TFE3: variants seen among roughly 807,000 people sequenced by gnomAD.
TFE3 encodes the protein transcription factor binding to IGHM enhancer 3.
In TFE3, 5 loss-of-function variants were observed where a neutral mutation model predicts 35.0. The observed-to-expected ratio is 0.14, with a 90% confidence interval of 0.07 to 0.30. The LOEUF (loss-of-function observed/expected upper bound fraction) is 0.30, where lower values mean the gene tolerates loss of function less well. Among genes scored for constraint, TFE3 ranks in the 10% least tolerant of loss-of-function variants. The pLI is 1.00. For synonymous variants in TFE3, 211 were observed against 215.6 expected (o/e 0.98, Z 0.18); for missense variants, 374 against 496.6 (o/e 0.75, Z 2.35).
rs1557075083 is a variant in TFE3, at chrX:49,038,231, G to A, written c.746C>T (p.Ala249Val). ...TGAGCTGGACCCGATGGTGAGCAGC[G>A]CCATGGGGCTGTTGGGCGCACTGCC... ...PTGSAPNSPM[A>V]LLTIGSSSEK... Residue 249 changes from alanine (A) to valine (V), a missense_variant, in exon 4 of 10, where the codon GCG (alanine) becomes GTG (valine). Transcript: ENST00000315869. 2.5e-6 allele frequency: 3 copies of A among 1,211,135 alleles called. No individual in the cohort carries two copies. Among genetic ancestry groups the A allele is most frequent in the African/African-American group, 1.7e-5 (1 of 57,892 alleles).
rs1557073545 is a variant in TFE3, at chrX:49,030,485, C to T, written c.1401G>A (p.Glu467=). 1 of 1,211,907 alleles carries T rather than the reference C, an allele frequency of 8.3e-7. No homozygotes were observed. Among genetic ancestry groups the T allele is most frequent in the Admixed American group, 2.2e-5 (1 of 46,019 alleles). Residue 467 remains glutamate (E), a synonymous_variant, in exon 10 of 10, where the codon GAG becomes GAA. Coordinates refer to ENST00000315869, the MANE Select transcript of TFE3 (RefSeq NM_006521.6). ...DSLKPEQLDI[E]EEGRPGAATF... The stretch of plus-strand genomic sequence containing the variant: ...TTGCTGCGCCTGGCCTGCCCTCCTC[C>T]TCAATGTCCAGCTGCTCTGGCTTGA...
chrX:49,036,871 C>T (rs781907513), intron 5 of TFE3, among the ~76,000 whole-genome samples: 20 of 112,314 alleles, frequency 1.8e-4, no homozygotes, highest in Non-Finnish European at 3.8e-4. Flanking sequence ...CAGAATGTTA[C>T]AATGGTATAT....
chrX:49,030,980 G>A (rs1457904455), intron 9 of TFE3, among the ~76,000 whole-genome samples: 1 of 110,915 alleles, frequency 9.0e-6, no homozygotes. Context: ...AGCTACTCAG[G>A]AGGCTGAGAC....
intron 2 of TFE3, among the ~76,000 whole-genome samples, chrX:49,040,110 G>C (rs1198350145): frequency 9.1e-6 from 1 of 110,351 alleles, no homozygotes; most frequent in Non-Finnish European, 1.9e-5. Context: ...GTTGGGGCTA[G>C]AGGCATGTCC....
chrX:49,033,129 G>A (rs2064708965), intron 8 of TFE3, among the ~76,000 whole-genome samples: 1 of 110,452 alleles, frequency 9.1e-6, no homozygotes, highest in Non-Finnish European at 1.9e-5. Flanking sequence ...ATAAATAAAG[G>A]AAGTACCATT....
chrX:49,039,975 C>T (rs782649845), intron 2 of TFE3, among the ~76,000 whole-genome samples: 1 of 110,303 alleles, frequency 9.1e-6, no homozygotes, highest in Non-Finnish European at 1.9e-5. Flanking sequence ...CCCTCCCCTC[C>T]CCTCTCTCAG....
At chrX:49,031,702 G>A (rs1412400797) in intron 8 of TFE3, 158 bp from the exon 9 acceptor site, 6 of 547,441 alleles carry the variant, frequency 1.1e-5, no homozygotes, top group Admixed American at 4.9e-5. Context: ...AAAACTTCCC[G>A]CCTGGAATCT....
intron 8 of TFE3, among the ~76,000 whole-genome samples, chrX:49,033,044 G>A (rs782368049): frequency 2.9e-5 from 3 of 105,062 alleles, no homozygotes; most frequent in Admixed American, 1.0e-4. Context: ...TTAGGTGATC[G>A]ACCCCGCCTT....
At chrX:49,035,775 A>G (rs782731107) in intron 5 of TFE3, among the ~76,000 whole-genome samples, 1 of 110,628 alleles carries the variant, frequency 9.0e-6, no homozygotes, top group Non-Finnish European at 1.9e-5. Context: ...TTGTGTCCAA[A>G]TCAATAAAAA....
chrX:49,043,205 C>T lies in TFE3; in HGVS notation c.22G>A (p.Ala8Thr). The change falls in exon 1 of 10, where the codon GCT (alanine) becomes ACT (threonine). Residue 8 changes from alanine (A) to threonine (T), a missense_variant. Physicochemically the swap from Ala to Thr is moderately conservative, Grantham distance 58 (BLOSUM62 0). This residue lies in a region of TFE3 where 90 missense variants were observed against 87.5 expected (regional missense o/e 1.03). Coordinates refer to ENST00000315869, the MANE Select transcript of TFE3 (RefSeq NM_006521.6). Reference protein sequence around the residue: MSHAAEPARDGVEASAEG... With the variant: MSHAAEPTRDGVEASAEG... Reference sequence around the variant, plus strand: ...GCGCTGGCCTCTACGCCATCCCGAGCTGGTTCGGCCGCATGAGACATGACG... The same window carrying T: ...GCGCTGGCCTCTACGCCATCCCGAGTTGGTTCGGCCGCATGAGACATGACG... 8.5e-7 allele frequency: 1 copy of T among 1,174,345 alleles called. No individual in the cohort carries two copies.
At position 49,036,335 on chromosome X, in the gene TFE3, C is replaced by T. The variant is rs782702269; in HGVS notation, c.885+1675G>A. Among the ~76,000 whole-genome samples the T allele has an allele frequency of 7.5e-5, 8 of 107,274 alleles. No homozygotes were observed. In the South Asian group the frequency reaches 2.5e-3, roughly 34 times the overall value. The allele number at this position is 107,274 out of a possible 115,157, so 93.2% of individuals were successfully genotyped here. On this transcript the variant is annotated intron_variant, in intron 5 of 9. Coordinates refer to ENST00000315869, the MANE Select transcript of TFE3 (RefSeq NM_006521.6). ...TACAAAAATTAGCCAGGCGTGCTGG[C>T]GGGCACCTGTAATCTCGGCTACTTG...
intron 5 of TFE3, among the ~76,000 whole-genome samples, chrX:49,035,696 C>T (rs1433211365): frequency 9.2e-6 from 1 of 109,047 alleles, no homozygotes; most frequent in African/African-American, 3.3e-5. Context: ...TGTGAGCCAC[C>T]GTGCCTGGCT....
At chrX:49,032,266 G>A (rs782790328) in intron 8 of TFE3, among the ~76,000 whole-genome samples, 7 of 110,704 alleles carry the variant, frequency 6.3e-5, no homozygotes, top group East Asian at 5.6e-4. Context: ...ATGGAGTCTC[G>A]CTCTGTCACC....
chrX:49,037,621 C>A (rs2064737535), intron 5 of TFE3: 1 of 120,941 alleles, frequency 8.3e-6, no homozygotes, highest in Admixed American at 9.3e-5. Context: ...ATCGCTTGGA[C>A]CTGGGAGGCA....
chrX:49,038,450 A>T lies in TFE3; in HGVS notation c.535-8T>A. The T allele has an allele frequency of 1.7e-6, 2 of 1,196,867 alleles. No individual in the cohort carries two copies. The highest frequency in any genetic ancestry group is 2.2e-6 in the Non-Finnish European group (2 of 892,761). On this transcript the variant is annotated splice_polypyrimidine_tract_variant and splice_region_variant and intron_variant, in intron 3 of 9. Coordinates refer to ENST00000315869, the MANE Select transcript of TFE3 (RefSeq NM_006521.6). ...CTCCAGATGGGTCTGCACCTGTGAA[A>T]TAAGGTAGACAAGGAAAGAGAGGGG... is the stretch of plus-strand genomic sequence containing the variant.
In TFE3 at chrX:49,033,379, CT is replaced by C. The variant is rs1301606944; in HGVS notation, c.1136+85del. ...GGAGAAATGCCTGGGCCGAGACTGC[CT>C]GGTGAGCCCACCAAGGCACAATTTT... On this transcript the variant is annotated intron_variant, in intron 8 of 9. Transcript: ENST00000315869. The C allele has an allele frequency of 3.3e-6, 3 of 903,982 alleles. No homozygotes were observed. In the Admixed American group the frequency reaches 7.4e-5, roughly 22 times the overall value. The allele number at this position is 903,982 out of a possible 1,213,427, so 74.5% of individuals were successfully genotyped here. A position where few individuals can be genotyped will look rare whatever the true frequency, so the allele number is the denominator to read the frequency against.
chrX:49,032,530 G>A (rs782636157), intron 8 of TFE3, among the ~76,000 whole-genome samples: 1 of 110,655 alleles, frequency 9.0e-6, no homozygotes, highest in South Asian at 3.8e-4. Context: ...CCACCACCAC[G>A]CCCCGCTAAT....
At chrX:49,042,504 G>T (rs2064765585) in intron 1 of TFE3, among the ~76,000 whole-genome samples, 1 of 111,383 alleles carries the variant, frequency 9.0e-6, no homozygotes, top group Non-Finnish European at 1.9e-5. Context: ...GTCAAGTCTT[G>T]CTGAATGTTG....
Position 49,043,207 on chromosome X carries a change from G to A in TFE3, c.20C>T (p.Pro7Leu). The A allele has an allele frequency of 8.5e-7, 1 of 1,173,812 alleles. No individual in the cohort carries two copies. The highest frequency in any genetic ancestry group is 1.9e-5 in the South Asian group (1 of 53,356). Residue 7 changes from proline to leucine, a missense_variant, in exon 1 of 10, where the codon CCA (proline) becomes CTA (leucine). Coordinates refer to ENST00000315869, the MANE Select transcript of TFE3 (RefSeq NM_006521.6). ...GCTGGCCTCTACGCCATCCCGAGCT[G>A]GTTCGGCCGCATGAGACATGACGCC... The part of the protein sequence containing the change: MSHAAE[P>L]ARDGVEASAE...
Sources: allele counts gnomAD v4.1 joint callset (sites outside exome capture counted in the v4.1 genomes callset), GRCh38; gene constraint gnomAD v4.1.1; regional missense constraint gnomAD v4.1.1; transcripts MANE v1.5; gene names NCBI Gene and HGNC (gene_info 2026-07-23, HGNC 2026-07-21).